Variants in NRP2 observed in about 807,000 individuals in gnomAD.
The protein encoded by NRP2 is neuropilin 2, also known as neuropilin-2.
A neutral mutation model predicts 110.4 loss-of-function variants in NRP2; 52 were observed. That is an observed-to-expected ratio of 0.47 (90% confidence interval 0.38 to 0.59). The LOEUF (loss-of-function observed/expected upper bound fraction) is 0.59. NRP2 is among the 20% of genes least tolerant of loss of function. NRP2 has a pLI of 0.00. For synonymous variants in NRP2, 508 were observed against 468.9 expected (o/e 1.08, Z -1.08); for missense variants, 1,049 against 1,203.0 (o/e 0.87, Z 1.89).
At chr2:205,693,928 T>C (rs1460418362) in intron 1 of NRP2, among the ~76,000 whole-genome samples, 1 of 152,262 alleles carries the variant, frequency 6.6e-6, no homozygotes, top group Admixed American at 6.5e-5. Flanking sequence ...ATTGTCAAGT[T>C]CAGGTTATCC....
intron 1 of NRP2, among the ~76,000 whole-genome samples, chr2:205,696,582 A>C (rs902771914): frequency 6.6e-6 from 1 of 152,210 alleles, no homozygotes; most frequent in Admixed American, 6.5e-5. Context: ...AGATTCCTCA[A>C]ATGTCATCAC....
intron 1 of NRP2, among the ~76,000 whole-genome samples, chr2:205,695,834 G>GCATGGGTGAGTGGTGT: frequency 6.6e-6 from 1 of 152,260 alleles, no homozygotes; most frequent in East Asian, 1.9e-4. Flanking sequence ...TAGGTTCCCA[G>GCATGGGTGAGTGGTGT]CATGGGTGAG....
chr2:205,764,431 CA>C (rs1376378066), intron 13 of NRP2: 1 of 174,168 alleles, frequency 5.7e-6, no homozygotes, highest in African/African-American at 2.4e-5. Flanking sequence ...TCTCTCTCAC[CA>C]GCTCCCGGAA....
chr2:205,726,230 T>G, intron 6 of NRP2, 148 bp downstream of exon 6: 1 of 871,988 alleles, frequency 1.1e-6, no homozygotes, highest in Non-Finnish European at 1.8e-6. Flanking sequence ...CAAACAGATG[T>G]GTATGCCAGG....
chr2:205,729,387 G>T (rs2057192246), intron 7 of NRP2, among the ~76,000 whole-genome samples: 1 of 152,204 alleles, frequency 6.6e-6, no homozygotes, highest in Non-Finnish European at 1.5e-5. Context: ...CACTGACTTG[G>T]TTTCAGAAAG....
chr2:205,698,048 G>T lies in NRP2; in HGVS notation c.251+327G>T, dbSNP rs143606379. 1.6e-3 allele frequency: 649 copies of T among 395,128 alleles called. 5 individuals carry two copies. The highest frequency in any genetic ancestry group is 4.0e-3 in the Middle Eastern group (5 of 1,250). The allele number at this position is 395,128 out of a possible 1,614,324, so 24.5% of individuals were successfully genotyped here. On this transcript the variant is annotated intron_variant, in intron 2 of 16. Coordinates refer to ENST00000357785, the MANE Select transcript of NRP2 (RefSeq NM_003872.3). ...TCTACTCTTGACTTTGGGTTACCTT[G>T]CACTTGGAGATCTCCCCATTTCCAC...
At chr2:205,782,590 A>G (rs1210640474) in intron 15 of NRP2, among the ~76,000 whole-genome samples, 1 of 152,176 alleles carries the variant, frequency 6.6e-6, no homozygotes, top group Admixed American at 6.5e-5. Context: ...ATACCTTTAC[A>G]AACATGTATG....
chr2:205,776,361 C>T (rs376610220), intron 15 of NRP2: 36 of 1,613,048 alleles, frequency 2.2e-5, no homozygotes, highest in South Asian at 1.2e-4. Flanking sequence ...TGCTGGTCTC[C>T]GTCGCGCTGG....
intron 6 of NRP2, 57 bp downstream of exon 6, chr2:205,726,139 G>T: frequency 6.4e-7 from 1 of 1,563,180 alleles, no homozygotes. Context: ...GGGGTAGGAG[G>T]GTAGCTCCTC....
intron 2 of NRP2, 55 bp from the exon 3 acceptor site, chr2:205,716,137 TG>T: frequency 6.4e-7 from 1 of 1,560,772 alleles, no homozygotes; most frequent in Non-Finnish European, 8.8e-7. Context: ...AGCGACACAG[TG>T]GTCCTTCTCA....
intron 2 of NRP2, among the ~76,000 whole-genome samples, chr2:205,705,747 C>T (rs962612375): frequency 2.6e-5 from 4 of 152,004 alleles, no homozygotes; most frequent in African/African-American, 9.7e-5. Context: ...AGATAGTAAT[C>T]GTGGGGCTGG....
At chr2:205,683,449 G>A (rs898680375) in intron 1 of NRP2, 86 bp downstream of exon 1, 2 of 943,014 alleles carry the variant, frequency 2.1e-6, no homozygotes, top group African/African-American at 1.6e-5. Flanking sequence ...ACGCAGAACG[G>A]CACAGAAGAA....
intron 2 of NRP2, among the ~76,000 whole-genome samples, chr2:205,707,967 C>T (rs1245233869): frequency 6.6e-6 from 1 of 152,228 alleles, no homozygotes; most frequent in Non-Finnish European, 1.5e-5. Context: ...ATGAGGCCAA[C>T]TGAGGCACAC....
At chr2:205,737,655 G>A (rs982126648) in intron 7 of NRP2, among the ~76,000 whole-genome samples, 3 of 152,236 alleles carry the variant, frequency 2.0e-5, no homozygotes, top group African/African-American at 7.2e-5. Flanking sequence ...CAAGAAAACA[G>A]TTCAGGAACT....
At chr2:205,765,361 CACACACAT>C (rs2057897531) in intron 13 of NRP2, 105 bp from the exon 14 acceptor site, 1 of 852,044 alleles carries the variant, frequency 1.2e-6, no homozygotes, top group Non-Finnish European at 2.0e-6. Context: ...CACACACACA[CACACACAT>C]ACACACACAC....
At chr2:205,687,985 A>G (rs2056215778) in intron 1 of NRP2, among the ~76,000 whole-genome samples, 1 of 152,184 alleles carries the variant, frequency 6.6e-6, no homozygotes, top group Non-Finnish European at 1.5e-5. Context: ...GCAATCAGGA[A>G]AATGAACTGA....
At position 205,790,061 on chromosome 2, in the gene NRP2, C is replaced by T. The variant is rs565691002; in HGVS notation, c.2426-2174C>T. ...ATTAACTTATCCTTTTTTTGACCCC[C>T]TTCCCACTCACTCAAACTCAGGGGA... is the stretch of plus-strand genomic sequence containing the variant. On this transcript the variant is annotated intron_variant, in intron 15 of 16. Coordinates refer to ENST00000357785, the MANE Select transcript of NRP2 (RefSeq NM_003872.3). Among the ~76,000 whole-genome samples the T allele has an allele frequency of 4.5e-3, 685 of 152,130 alleles. 3 individuals are homozygous for T. The highest frequency in any genetic ancestry group is 8.1e-3 in the Non-Finnish European group (549 of 67,978).
chr2:205,761,316 A>C (rs2105914024), intron 12 of NRP2: 1 of 152,352 alleles, frequency 6.6e-6, no homozygotes, highest in Non-Finnish European at 1.5e-5. Context: ...TAGAGAGAAG[A>C]AGCAATGTTA....
chr2:205,700,874 G>A (rs1278747578), intron 2 of NRP2: 3 of 400,396 alleles, frequency 7.5e-6, no homozygotes, highest in African/African-American at 6.2e-5. Flanking sequence ...TATAGAAGCT[G>A]TGGGCAGAAA....
Sources: allele counts gnomAD v4.1 joint callset (sites outside exome capture counted in the v4.1 genomes callset), GRCh38; gene constraint gnomAD v4.1.1; transcripts MANE v1.5; gene names NCBI Gene and HGNC (gene_info 2026-07-23, HGNC 2026-07-21).